The following KHDRBS2 variants were observed in gnomAD, a reference collection of about 807,000 sequenced individuals.
KHDRBS2 encodes KH domain-containing, RNA-binding, signal transduction-associated protein 2.
In KHDRBS2, 26 loss-of-function variants were observed where a neutral mutation model predicts 44.3. The observed-to-expected ratio is 0.59, with a 90% confidence interval of 0.43 to 0.81. KHDRBS2 has a LOEUF of 0.81. Ranked by LOEUF, KHDRBS2 falls within the 40% of genes least tolerant of loss-of-function variation. The probability of loss-of-function intolerance (pLI) is 0.00; values close to 1 mark genes in which losing one functional copy is unlikely to be tolerated. For synonymous variants in KHDRBS2, 194 were observed against 151.1 expected (o/e 1.28, Z -2.08); for missense variants, 476 against 433.1 (o/e 1.10, Z -0.88).
At chr6:61,971,688 A>G (rs1771454501) in intron 4 of KHDRBS2, among the ~76,000 whole-genome samples, 1 of 151,878 alleles carries the variant, frequency 6.6e-6, no homozygotes, top group Non-Finnish European at 1.5e-5. Context: ...CAGTAGATAA[A>G]TTACCCTTGT....
chr6:61,568,836 A>G, the KHDRBS2 span, among the ~76,000 whole-genome samples: 1 of 152,240 alleles, frequency 6.6e-6, no homozygotes, highest in African/African-American at 2.4e-5. Flanking sequence ...AGCAAGGGTA[A>G]CTAGAAAGGG....
chr6:61,753,426 T>C (rs1277755943), intron 6 of KHDRBS2, among the ~76,000 whole-genome samples: 1 of 152,166 alleles, frequency 6.6e-6, no homozygotes, highest in Non-Finnish European at 1.5e-5. Context: ...ATTTCTCAGA[T>C]AAAAGAGGGT....
At position 62,202,501 on chromosome 6, in the gene KHDRBS2, G is replaced by C. The variant is rs1249646619; in HGVS notation, c.92-25189C>G. On this transcript the variant is annotated intron_variant, in intron 1 of 8. Transcript: ENST00000281156. ...TATAATACAGAAAGAGAAAAACAGA[G>C]AGAGAGATTTTTTTTTTCTCCCTAC... 5.9e-5 allele frequency among the ~76,000 whole-genome samples: 8 copies of C among 135,878 alleles called. No homozygotes were observed. The East Asian group carries it at 1.6e-3, about 28-fold the overall frequency. The allele number at this position is 135,878 out of a possible 152,430, so 89.1% of individuals were successfully genotyped here.
chr6:61,621,223 CCAT>C, the KHDRBS2 span, among the ~76,000 whole-genome samples: 1 of 152,280 alleles, frequency 6.6e-6, no homozygotes, highest in South Asian at 2.1e-4. Context: ...ACCTAGAAAA[CCAT>C]CCCGGTGGAG....
At chr6:61,984,765 T>C (rs577744022) in intron 3 of KHDRBS2, among the ~76,000 whole-genome samples, 1 of 152,344 alleles carries the variant, frequency 6.6e-6, no homozygotes, top group East Asian at 1.9e-4. Context: ...CCTCTGTTAA[T>C]CTATTGTCTG....
intron 2 of KHDRBS2, among the ~76,000 whole-genome samples, chr6:62,050,450 GAAA>G (rs774252795): frequency 4.7e-5 from 7 of 148,496 alleles, no homozygotes; most frequent in Non-Finnish European, 8.9e-5. Context: ...AAGGGGGTGA[GAAA>G]AAAAAGCCCT....
intron 8 of KHDRBS2, among the ~76,000 whole-genome samples, chr6:61,692,112 G>A (rs950987692): frequency 2.6e-5 from 4 of 152,082 alleles, no homozygotes; most frequent in African/African-American, 9.7e-5. Flanking sequence ...TATTTCTTAT[G>A]TGAAGCAGTG....
chr6:61,756,441 G>A (rs1476304473), intron 6 of KHDRBS2, among the ~76,000 whole-genome samples: 1 of 152,010 alleles, frequency 6.6e-6, no homozygotes, highest in Non-Finnish European at 1.5e-5. Context: ...TGTGTGTTTA[G>A]TAGAGAGGGG....
intron 7 of KHDRBS2, among the ~76,000 whole-genome samples, chr6:61,706,034 G>A (rs1769487481): frequency 6.6e-6 from 1 of 151,750 alleles, no homozygotes; most frequent in South Asian, 2.1e-4. Flanking sequence ...CATAGTAAAT[G>A]GAATATTGGC....
intron 1 of KHDRBS2, among the ~76,000 whole-genome samples, chr6:62,264,892 CA>C (rs980070162): frequency 1.9e-4 from 29 of 151,890 alleles, no homozygotes; most frequent in African/African-American, 6.7e-4. Flanking sequence ...AGGAGTCCCA[CA>C]AATACAACTT....
At chr6:61,955,484 A>ATG (rs1319130123) in intron 4 of KHDRBS2, among the ~76,000 whole-genome samples, 13 of 63,268 alleles carry the variant, frequency 2.1e-4, no homozygotes, top group African/African-American at 5.5e-4. Context: ...ACACATATGT[A>ATG]TGTATGTATA....
chr6:61,828,568 G>T (rs995711943), intron 6 of KHDRBS2, among the ~76,000 whole-genome samples: 4 of 152,148 alleles, frequency 2.6e-5, no homozygotes, highest in South Asian at 2.1e-4. Context: ...GTCATTAAAA[G>T]ATATTATTCT....
chr6:61,717,605 A>G (rs1771666591), intron 7 of KHDRBS2, among the ~76,000 whole-genome samples: 1 of 152,148 alleles, frequency 6.6e-6, no homozygotes, highest in Admixed American at 6.6e-5. Context: ...TATAGTGAAT[A>G]GTGCCACTTA....
Position 62,031,211 on chromosome 6 carries a change from G to A in KHDRBS2, c.336+16667C>T, listed in dbSNP as rs568804810. Among the ~76,000 whole-genome samples, 21 of 152,068 alleles carry A rather than the reference G, an allele frequency of 1.4e-4. No homozygotes were observed. In the South Asian group the frequency reaches 2.9e-3, roughly 21 times the overall value. ...CCAGTCTTGGCATGATTAATCACCC[G>A]CTAACTAAAGAGCCCTTGAGCCCGG... On this transcript the variant is annotated intron_variant, in intron 3 of 8. Coordinates refer to ENST00000281156, the MANE Select transcript of KHDRBS2 (RefSeq NM_152688.4).
chr6:61,960,182 T>G (rs550032766), intron 4 of KHDRBS2, among the ~76,000 whole-genome samples: 1 of 152,198 alleles, frequency 6.6e-6, no homozygotes, highest in African/African-American at 2.4e-5. Flanking sequence ...ATTTTCTGTT[T>G]GAGCTAATCT....
intron 2 of KHDRBS2, among the ~76,000 whole-genome samples, chr6:62,114,019 A>C (rs1584785538): frequency 1.3e-5 from 2 of 152,240 alleles, no homozygotes; most frequent in East Asian, 1.9e-4. Flanking sequence ...ACAAGGCGGC[A>C]GGAGAGATAA....
intron 2 of KHDRBS2, among the ~76,000 whole-genome samples, chr6:62,135,257 C>T (rs1370970258): frequency 6.6e-6 from 1 of 152,064 alleles, no homozygotes; most frequent in Non-Finnish European, 1.5e-5. Flanking sequence ...AAGGGGAATC[C>T]CCTTTTGCTT....
rs542410649 is a variant in KHDRBS2, at chr6:62,177,259, A to G, written c.145T>C (p.Tyr49His). 2 of 1,600,906 alleles carry G rather than the reference A, an allele frequency of 1.2e-6. No homozygotes were observed. The highest frequency in any genetic ancestry group is 2.2e-5 in the East Asian group (1 of 44,550). Residue 49 changes from tyrosine (Y) to histidine (H), a missense_variant, in exon 2 of 9, where the codon TAT becomes CAT. Tyr to His is a moderately conservative substitution (Grantham distance 83). Coordinates refer to ENST00000281156, the MANE Select transcript of KHDRBS2 (RefSeq NM_152688.4). Reference sequence around the variant, plus strand: ...TTTTTGTTGCTGATGACATCAAGATACTTCTTTTCTTCGTCTTCCTTTTTT... The same window carrying G: ...TTTTTGTTGCTGATGACATCAAGATGCTTCTTTTCTTCGTCTTCCTTTTTT... ...DGKKEDEEKK[Y>H]LDVISNKNIK...
intron 3 of KHDRBS2, among the ~76,000 whole-genome samples, chr6:61,980,952 C>A (rs138038746): frequency 1.3e-5 from 2 of 152,314 alleles, no homozygotes; most frequent in East Asian, 1.9e-4. Flanking sequence ...AACCTCACGT[C>A]AGAGTGAACA....
Sources: gnomAD v4.1 joint callset for allele counts (sites outside exome capture counted in the v4.1 genomes callset) on GRCh38, gnomAD v4.1.1 for gene constraint, MANE v1.5 for transcripts, NCBI Gene and HGNC (gene_info 2026-07-23, HGNC 2026-07-21) for gene names.